Variants in SLC12A4 observed in about 807,000 individuals in gnomAD.
The protein encoded by SLC12A4 is solute carrier family 12 member 4.
In SLC12A4, 84 loss-of-function variants were observed where a neutral mutation model predicts 119.2. The ratio of observed to expected loss-of-function variants is 0.70; its 90% CI spans 0.59 to 0.85. The LOEUF (loss-of-function observed/expected upper bound fraction) is 0.85. Among genes scored for constraint, SLC12A4 ranks in the 40% least tolerant of loss-of-function variants. The probability of loss-of-function intolerance (pLI) is 0.00; values close to 1 mark genes in which losing one functional copy is unlikely to be tolerated. For synonymous variants in SLC12A4, 599 were observed against 604.6 expected (o/e 0.99, Z 0.14); for missense variants, 1,298 against 1,476.3 (o/e 0.88, Z 1.98).
chr16:67,946,100 G>A lies in SLC12A4; in HGVS notation c.2608-18C>T, dbSNP rs2058343177. 1 of 1,613,218 alleles carries A rather than the reference G, an allele frequency of 6.2e-7. No individual in the cohort carries two copies. Among genetic ancestry groups the A allele is most frequent in the Admixed American group, 1.7e-5 (1 of 60,010 alleles). On this transcript the variant is annotated intron_variant, in intron 19 of 23. Transcript: ENST00000316341. ...CTCCAGACCTGAGGCAAGGGACCAG[G>A]TGGGCGGTTTGGTCACAGCTGCTCC...
At position 67,949,567 on chromosome 16, in the gene SLC12A4, C is replaced by T. The variant is rs943574538; in HGVS notation, c.1748+233G>A. 4.8e-5 allele frequency: 21 copies of T among 433,074 alleles called. No homozygotes were observed. Among genetic ancestry groups the T allele is most frequent in the Non-Finnish European group, 6.9e-5 (17 of 245,168 alleles). 26.8% of individuals were successfully genotyped at this position (433,074 alleles called of 1,614,324 possible). On this transcript the variant is annotated intron_variant, in intron 13 of 23. Coordinates refer to ENST00000316341, the MANE Select transcript of SLC12A4 (RefSeq NM_005072.5). The surrounding 1 kb of genome is among the most constrained non-coding windows in gnomAD (Gnocchi z 4.6). ...GTCCAGTGGGAAGGTCTGCCGGCCACCTGCTCTGGGGGCCTCAGGGAGGTG... is the reference window on the plus strand; with the variant it reads ...GTCCAGTGGGAAGGTCTGCCGGCCATCTGCTCTGGGGGCCTCAGGGAGGTG...
At chr16:67,948,444 G>C (rs892222059) in intron 13 of SLC12A4, among the ~76,000 whole-genome samples, 1 of 152,244 alleles carries the variant, frequency 6.6e-6, no homozygotes, top group Non-Finnish European at 1.5e-5. Flanking sequence ...AGGGGCAGCA[G>C]GAAGAGCTCA....
Position 67,944,460 on chromosome 16 carries a change from C to T in SLC12A4, c.*380G>A, listed in dbSNP as rs1017397851. The T allele has an allele frequency of 4.5e-5, 57 of 1,253,850 alleles. No individual in the cohort carries two copies. Among genetic ancestry groups the T allele is most frequent in the Middle Eastern group, 3.1e-4 (1 of 3,256 alleles). The allele number at this position is 1,253,850 out of a possible 1,614,324, so 77.7% of individuals were successfully genotyped here. On this transcript the variant is annotated 3_prime_UTR_variant, in exon 24 of 24. Coordinates refer to ENST00000316341, the MANE Select transcript of SLC12A4 (RefSeq NM_005072.5). The surrounding 1 kb of genome is among the most constrained non-coding windows in gnomAD (Gnocchi z 6.6). ...TCCTGCAGGCAGCTGGGCTGGACTC[C>T]CTCCCTGGCTACCCTTCCCTTCGTC... is the stretch of plus-strand genomic sequence containing the variant.
chr16:67,961,426 A>T (rs767675594), intron 3 of SLC12A4, 149 bp downstream of exon 3: 288 of 1,213,402 alleles, frequency 2.4e-4, no homozygotes, highest in Non-Finnish European at 3.1e-4. Context: ...GCCTCCTGAG[A>T]CAAGGCATTC....
intron 2 of SLC12A4, 83 bp downstream of exon 2, chr16:67,963,382 G>C (rs1182949940): frequency 1.4e-5 from 12 of 828,986 alleles, no homozygotes; most frequent in Non-Finnish European, 2.3e-5. Context: ...GAGCAAGACA[G>C]AGGAGGCCCA....
chr16:67,954,613 C>A, intron 6 of SLC12A4, 30 bp downstream of exon 6: 1 of 1,613,664 alleles, frequency 6.2e-7, no homozygotes. Flanking sequence ...TGGACATGGC[C>A]AGAGTTGGCC....
Position 67,945,790 on chromosome 16 carries a change from G to T in SLC12A4, c.2821C>A (p.Leu941Met). The T allele has an allele frequency of 6.2e-7, 1 of 1,613,782 alleles. No homozygotes were observed. The highest frequency in any genetic ancestry group is 8.5e-7 in the Non-Finnish European group (1 of 1,180,028). The change falls in exon 21 of 24, where the codon CTG (leucine) becomes ATG (methionine). Residue 941 changes from leucine (L) to methionine (M), a missense_variant. Coordinates refer to ENST00000316341, the MANE Select transcript of SLC12A4 (RefSeq NM_005072.5). ...TCTCGCTCCCGCTCAGTCTTGGTCA[G>T]TCTCATCTGCCGCAGCATCTGCGAC... ...QRSQMLRQMR[L>M]TKTEREREAQ...
Position 67,946,623 on chromosome 16 carries a change from T to A in SLC12A4, c.2252A>T (p.Asn751Ile). Residue 751 changes from asparagine to isoleucine, a missense_variant, in exon 18 of 24, where the codon AAC becomes ATC. By Grantham distance (149) the Asn-to-Ile change is moderately radical. Transcript: ENST00000316341. ...EAQAAEQTIK[N>I]MMEIEKVKGF... ...CTTCACCTTCTCAATTTCCATCATG[T>A]TCTTGATGGTCTGTGGGGAACACAC... The A allele has an allele frequency of 6.2e-7, 1 of 1,612,218 alleles. No individual in the cohort carries two copies. The highest frequency in any genetic ancestry group is 1.1e-5 in the South Asian group (1 of 91,050).
chr16:67,955,261 T>C (rs1835644333), intron 5 of SLC12A4, among the ~76,000 whole-genome samples: 1 of 152,216 alleles, frequency 6.6e-6, no homozygotes, highest in Non-Finnish European at 1.5e-5. Flanking sequence ...CCTGAATCTG[T>C]GCTTCTATCA....
chr16:67,945,443 C>T lies in SLC12A4; in HGVS notation c.2958G>A (p.Arg986=). ...CCCAGGTCTCAGTCATGTACTTGTCCCTGGTCCACGTCATCTGGATCTTGT... is the reference window on the plus strand; with the variant it reads ...CCCAGGTCTCAGTCATGTACTTGTCTCTGGTCCACGTCATCTGGATCTTGT... ...GADKIQMTWT[R]DKYMTETWDP... The change falls in exon 22 of 24, where the codon AGG becomes AGA. Residue 986 remains arginine (R), a synonymous_variant. Coordinates refer to ENST00000316341, the MANE Select transcript of SLC12A4 (RefSeq NM_005072.5). 6.2e-7 allele frequency: 1 copy of T among 1,614,120 alleles called. No homozygotes were observed. The highest frequency in any genetic ancestry group is 1.1e-5 in the South Asian group (1 of 91,088).
rs1239540567 is a variant in SLC12A4 at position 67,950,633 on chromosome 16, A to T, written c.1454+21T>A. Reference sequence around the variant, plus strand: ...GGCCAAAGCCCAGCCGCTGCTAAAGAGGGGGGCCCAGCTCACTCACTTGTC... The same window carrying T: ...GGCCAAAGCCCAGCCGCTGCTAAAGTGGGGGGCCCAGCTCACTCACTTGTC... On this transcript the variant is annotated intron_variant, in intron 11 of 23. Transcript: ENST00000316341. This position sits in a 1 kb window ranked among gnomAD's most constrained non-coding sequence, Gnocchi z 4.3. The T allele has an allele frequency of 6.2e-7, 1 of 1,610,884 alleles. No individual in the cohort carries two copies. Among genetic ancestry groups the T allele is most frequent in the Admixed American group, 1.7e-5 (1 of 59,600 alleles).
Position 67,950,799 on chromosome 16 carries a change from G to A in SLC12A4, c.1397-88C>T. On this transcript the variant is annotated intron_variant, in intron 10 of 23. Transcript: ENST00000316341. This position sits in a 1 kb window ranked among gnomAD's most constrained non-coding sequence, Gnocchi z 4.3. ...GCCCCCACCCCAGCCAGACTACCAG[G>A]ACACCTACAGCTGGGAGTCTCGTGG... 8 of 1,511,726 alleles carry A rather than the reference G, an allele frequency of 5.3e-6. No individual in the cohort carries two copies. Among genetic ancestry groups the A allele is most frequent in the Non-Finnish European group, 7.2e-6 (8 of 1,106,970 alleles). The allele number at this position is 1,511,726 out of a possible 1,614,324, so 93.6% of individuals were successfully genotyped here. A position where few individuals can be genotyped will look rare whatever the true frequency, so the allele number is the denominator to read the frequency against.
chr16:67,954,636 G>C lies in SLC12A4; in HGVS notation c.675+7C>G. The C allele has an allele frequency of 1.2e-6, 2 of 1,614,158 alleles. No homozygotes were observed. The highest frequency in any genetic ancestry group is 1.1e-5 in the South Asian group (1 of 91,076). ...GCCAGAGTTGGCCAGGGCTCAGCCT[G>C]ACTCACCAGCAAGATCTCGATGGCC... On this transcript the variant is annotated splice_region_variant and intron_variant, in intron 6 of 23. Transcript: ENST00000316341.
intron 1 of SLC12A4, among the ~76,000 whole-genome samples, chr16:67,965,023 G>A (rs1203830569): frequency 6.6e-6 from 1 of 152,218 alleles, no homozygotes; most frequent in Non-Finnish European, 1.5e-5. Flanking sequence ...CCAGCAACCT[G>A]GACTAGCTAA....
chr16:67,957,934 T>C lies in SLC12A4; in HGVS notation c.453A>G (p.Leu151=). ...AGATAAGCACGATGAGGAGGGCCTGTAGCACACCTGCTGTGCCCACCATCC... is the reference window on the plus strand; with the variant it reads ...AGATAAGCACGATGAGGAGGGCCTGCAGCACACCTGCTGTGCCCACCATCC... ...LTWMVGTAGV[L]QALLIVLICC... The change falls in exon 4 of 24, where the codon CTA becomes CTG. Residue 151 remains leucine, a synonymous_variant. Transcript: ENST00000316341. 5 of 1,614,182 alleles carry C rather than the reference T, an allele frequency of 3.1e-6. No homozygotes were observed. The highest frequency in any genetic ancestry group is 4.2e-6 in the Non-Finnish European group (5 of 1,180,006).
chr16:67,967,987 C>A (rs1222821831), intron 1 of SLC12A4, among the ~76,000 whole-genome samples: 1 of 152,142 alleles, frequency 6.6e-6, no homozygotes, highest in Admixed American at 6.5e-5. Flanking sequence ...CAGAGAGGCA[C>A]ACGGAGGGGT....
rs752174109 is a variant in SLC12A4 at position 67,947,799 on chromosome 16, G to A, written c.1848-11C>T. The A allele has an allele frequency of 6.3e-6, 10 of 1,578,718 alleles. No individual in the cohort carries two copies. The highest frequency in any genetic ancestry group is 8.6e-6 in the Non-Finnish European group (10 of 1,162,614). Reference sequence around the variant, plus strand: ...AGGAAGGACAGCGCCCTGGACGAGAGGGGAGGGCAGAGTCAGGGCAGGACC... The same window carrying A: ...AGGAAGGACAGCGCCCTGGACGAGAAGGGAGGGCAGAGTCAGGGCAGGACC... On this transcript the variant is annotated splice_polypyrimidine_tract_variant and intron_variant, in intron 14 of 23. Coordinates refer to ENST00000316341, the MANE Select transcript of SLC12A4 (RefSeq NM_005072.5).
rs1055266462 is a variant in SLC12A4 at position 67,944,548 on chromosome 16, G to A, written c.*292C>T. ...TAGCGCTCCTGGGCTGGGCCGGGCC[G>A]GCTGCCTTCAAACCCCACTCGGCCC... is the stretch of plus-strand genomic sequence containing the variant. On this transcript the variant is annotated 3_prime_UTR_variant, in exon 24 of 24. Transcript: ENST00000316341. The surrounding 1 kb of genome is among the most constrained non-coding windows in gnomAD (Gnocchi z 6.6). 23 of 1,288,454 alleles carry A rather than the reference G, an allele frequency of 1.8e-5. No homozygotes were observed. The highest frequency in any genetic ancestry group is 3.0e-5 in the African/African-American group (2 of 67,230). The allele number at this position is 1,288,454 out of a possible 1,614,324, so 79.8% of individuals were successfully genotyped here.
chr16:67,943,938 G>T lies in SLC12A4; in HGVS notation c.*902C>A. 2 of 1,543,488 alleles carry T rather than the reference G, an allele frequency of 1.3e-6. No homozygotes were observed. The highest frequency in any genetic ancestry group is 1.8e-6 in the Non-Finnish European group (2 of 1,142,708). On this transcript the variant is annotated 3_prime_UTR_variant, in exon 24 of 24. Coordinates refer to ENST00000316341, the MANE Select transcript of SLC12A4 (RefSeq NM_005072.5). This position sits in a 1 kb window ranked among gnomAD's most constrained non-coding sequence, Gnocchi z 4.6. Reference sequence around the variant, plus strand: ...TGGCGTGGTGCATCAGGGGCCTGGTGGGGGCTTACCGAGGATGACGGGCCG... The same window carrying T: ...TGGCGTGGTGCATCAGGGGCCTGGTTGGGGCTTACCGAGGATGACGGGCCG...
Sources: gnomAD v4.1 joint callset for allele counts (sites outside exome capture counted in the v4.1 genomes callset) on GRCh38, gnomAD v4.1.1 for gene constraint, Gnocchi (gnomAD v3.1) non-coding constraint, MANE v1.5 for transcripts, NCBI Gene and HGNC (gene_info 2026-07-23, HGNC 2026-07-21) for gene names.